Variants in CDC42BPA observed in about 807,000 individuals in gnomAD.
The protein encoded by CDC42BPA is CDC42 binding protein kinase alpha, also known as serine/threonine-protein kinase MRCK alpha.
A neutral mutation model predicts 223.5 loss-of-function variants in CDC42BPA; 80 were observed. That is an observed-to-expected ratio of 0.36 (90% CI 0.30 to 0.43). CDC42BPA has a LOEUF of 0.43. Ranked by LOEUF, CDC42BPA falls within the 20% of genes least tolerant of loss-of-function variation. The pLI, the probability that CDC42BPA is intolerant of heterozygous loss-of-function variation, is 1.00. For synonymous variants in CDC42BPA, 694 were observed against 718.6 expected (o/e 0.97, Z 0.55); for missense variants, 1,743 against 2,099.9 (o/e 0.83, Z 3.32).
chr1:227,245,573 A>G (rs566941441), intron 2 of CDC42BPA, among the ~76,000 whole-genome samples: 8 of 152,176 alleles, frequency 5.3e-5, no homozygotes, highest in Admixed American at 1.3e-4. Context: ...TTACAGGCGT[A>G]AGCCACCATG....
chr1:227,066,707 AG>A (rs1558418157), intron 21 of CDC42BPA, among the ~76,000 whole-genome samples: 1 of 150,420 alleles, frequency 6.6e-6, no homozygotes, highest in Non-Finnish European at 1.5e-5. Flanking sequence ...CTGATGGATG[AG>A]AAAAGAAGCT....
intron 30 of CDC42BPA, among the ~76,000 whole-genome samples, chr1:227,028,317 T>C (rs1015092421): frequency 2.0e-5 from 3 of 152,306 alleles, no homozygotes; most frequent in Non-Finnish European, 4.4e-5. Flanking sequence ...ATAAGTTCTG[T>C]GAAACACTGA....
chr1:227,069,901 A>AT (rs1558425120), intron 20 of CDC42BPA, 48 bp from the exon 21 acceptor site: 1 of 1,247,738 alleles, frequency 8.0e-7, no homozygotes, highest in East Asian at 2.3e-5. Flanking sequence ...ATTAAAATTG[A>AT]TTTTAATGGA....
chr1:227,317,125 G>C lies in CDC42BPA; in HGVS notation c.58C>G (p.Gln20Glu), dbSNP rs1034597912. 1.2e-6 allele frequency: 2 copies of C among 1,613,948 alleles called. No homozygotes were observed. Among genetic ancestry groups the C allele is most frequent in the Admixed American group, 3.3e-5 (2 of 59,988 alleles). Residue 20 changes from glutamine to glutamate, a missense_variant, in exon 1 of 37, where the codon CAG (glutamine) becomes GAG (glutamate). Physicochemically the swap from Gln to Glu is conservative, Grantham distance 29. Around this residue, in one of 6 missense-constraint regions of CDC42BPA, gnomAD observed 321 missense variants for 488.7 expected, o/e 0.66. Coordinates refer to ENST00000366766, the MANE Select transcript of CDC42BPA (RefSeq NM_001394014.1). Reference protein sequence around the residue: ...LEQFILDGPAQTNGQCFSVET... With the variant: ...LEQFILDGPAETNGQCFSVET... Reference sequence around the variant, plus strand: ...ACACTGAAGCACTGCCCATTGGTCTGAGCGGGCCCGTCCAAAATAAACTGC... The same window carrying C: ...ACACTGAAGCACTGCCCATTGGTCTCAGCGGGCCCGTCCAAAATAAACTGC...
chr1:227,310,833 C>A (rs1292448821), intron 1 of CDC42BPA, among the ~76,000 whole-genome samples: 3 of 149,536 alleles, frequency 2.0e-5, no homozygotes, highest in Non-Finnish European at 3.0e-5. Context: ...ACTACAGGCA[C>A]CCGTCACCGC....
intron 5 of CDC42BPA, among the ~76,000 whole-genome samples, chr1:227,164,788 T>C (rs1664744483): frequency 6.6e-6 from 1 of 152,244 alleles, no homozygotes; most frequent in Non-Finnish European, 1.5e-5. Flanking sequence ...TTCAAAACAT[T>C]CAGTAAACTC....
chr1:227,211,004 C>A (rs746164564), intron 3 of CDC42BPA, among the ~76,000 whole-genome samples: 3 of 152,168 alleles, frequency 2.0e-5, no homozygotes, highest in Non-Finnish European at 4.4e-5. Context: ...GACAACTGTA[C>A]AAATCCTATC....
chr1:227,071,717 C>G (rs1418882633), intron 20 of CDC42BPA, among the ~76,000 whole-genome samples: 1 of 9,074 alleles, frequency 1.1e-4, no homozygotes, highest in South Asian at 9.1e-3. Context: ...GAATCCCACC[C>G]CCCCCCCCCC....
chr1:227,009,465 G>A (rs998647294), intron 34 of CDC42BPA, among the ~76,000 whole-genome samples: 2 of 152,200 alleles, frequency 1.3e-5, no homozygotes, highest in Admixed American at 1.3e-4. Context: ...CTGGAGTGCA[G>A]TGGTGCAATC....
At chr1:227,181,473 T>C (rs1667920181) in intron 5 of CDC42BPA, among the ~76,000 whole-genome samples, 1 of 152,252 alleles carries the variant, frequency 6.6e-6, no homozygotes, top group African/African-American at 2.4e-5. Flanking sequence ...TTTTTTGAAG[T>C]ATCTTCTTCC....
At chr1:227,289,039 AATG>A (rs1689262569) in intron 1 of CDC42BPA, among the ~76,000 whole-genome samples, 1 of 152,016 alleles carries the variant, frequency 6.6e-6, no homozygotes, top group South Asian at 2.1e-4. Flanking sequence ...AATTAAATAA[AATG>A]ATATCACAAA....
chr1:227,201,820 T>C (rs926707368), intron 3 of CDC42BPA, among the ~76,000 whole-genome samples: 23 of 151,742 alleles, frequency 1.5e-4, no homozygotes, highest in Non-Finnish European at 2.9e-4. Context: ...TCCTTCCGTA[T>C]CAGTACACAG....
chr1:227,249,751 T>C (rs1437004359), intron 2 of CDC42BPA, among the ~76,000 whole-genome samples: 1 of 152,112 alleles, frequency 6.6e-6, no homozygotes, highest in African/African-American at 2.4e-5. Flanking sequence ...CAATGAGGTA[T>C]CATCTCACCC....
chr1:227,118,119 A>G (rs1224115213), intron 12 of CDC42BPA, among the ~76,000 whole-genome samples: 1 of 152,180 alleles, frequency 6.6e-6, no homozygotes, highest in Non-Finnish European at 1.5e-5. Context: ...AAAGTAATAA[A>G]TCTGGAAATA....
At chr1:227,072,165 C>T in intron 20 of CDC42BPA, 43 bp downstream of exon 20, 1 of 1,040,706 alleles carries the variant, frequency 9.6e-7, no homozygotes, top group Non-Finnish European at 1.4e-6. Context: ...ATATTTATAA[C>T]ATAACAGTAA....
intron 1 of CDC42BPA, among the ~76,000 whole-genome samples, chr1:227,280,641 A>G (rs1687865206): frequency 6.6e-6 from 1 of 152,256 alleles, no homozygotes; most frequent in South Asian, 2.1e-4. Context: ...GAAGACTATT[A>G]CACTAAATTA....
At position 227,004,985 on chromosome 1, in the gene CDC42BPA, G is replaced by T; in HGVS notation, c.4975+9C>A. On this transcript the variant is annotated intron_variant, in intron 35 of 36. Transcript: ENST00000366766. ...CTCAGAGGCACCTTCCTGTAGCCCC[G>T]GCACTTACTTGCTGACAAGCCACTG... is the stretch of plus-strand genomic sequence containing the variant. 2 of 1,594,852 alleles carry T rather than the reference G, an allele frequency of 1.3e-6. No individual in the cohort carries two copies. Among genetic ancestry groups the T allele is most frequent in the African/African-American group, 1.3e-5 (1 of 74,624 alleles).
intron 2 of CDC42BPA, among the ~76,000 whole-genome samples, chr1:227,248,393 A>G (rs532561083): frequency 4.0e-4 from 61 of 152,190 alleles, no homozygotes; most frequent in African/African-American, 1.2e-3. Flanking sequence ...ACTTATTCAA[A>G]CTGATGAACA....
chr1:227,185,168 A>T (rs1668556341), intron 5 of CDC42BPA, among the ~76,000 whole-genome samples: 1 of 152,110 alleles, frequency 6.6e-6, no homozygotes, highest in Non-Finnish European at 1.5e-5. Flanking sequence ...TTTTTTAAAA[A>T]AACAAAGTTC....
Sources: gnomAD v4.1 joint callset for allele counts (sites outside exome capture counted in the v4.1 genomes callset) on GRCh38, gnomAD v4.1.1 for gene constraint, gnomAD v4.1.1 regional missense constraint, MANE v1.5 for transcripts, NCBI Gene and HGNC (gene_info 2026-07-23, HGNC 2026-07-21) for gene names.